Variants in PEBP4 observed in about 807,000 individuals in gnomAD.
PEBP4 encodes the protein phosphatidylethanolamine binding protein 4.
A neutral mutation model predicts 23.9 loss-of-function variants in PEBP4; 22 were observed. That is an observed-to-expected ratio of 0.92 (90% CI 0.66 to 1.31). The LOEUF (loss-of-function observed/expected upper bound fraction) is 1.31, where lower values mean the gene tolerates loss of function less well. PEBP4 is among the 40% of genes most tolerant of loss of function. The probability of loss-of-function intolerance (pLI) is 0.00; values close to 1 mark genes in which losing one functional copy is unlikely to be tolerated. For missense variants in PEBP4, 324 were observed against 281.7 expected, an observed-to-expected ratio of 1.15 and a Z score of -1.07; for synonymous variants, 112 against 99.3, an observed-to-expected ratio of 1.13 and a Z score of -0.76.
At chr8:22,780,231 T>C (rs904139263) in intron 4 of PEBP4, among the ~76,000 whole-genome samples, 2 of 152,186 alleles carry the variant, frequency 1.3e-5, no homozygotes, top group Non-Finnish European at 2.9e-5. Flanking sequence ...CCCAAAGTGC[T>C]GGAATGATAG....
At chr8:22,914,216 A>C (rs1277321135) in intron 3 of PEBP4, among the ~76,000 whole-genome samples, 3 of 152,018 alleles carry the variant, frequency 2.0e-5, no homozygotes, top group Non-Finnish European at 4.4e-5. Flanking sequence ...TCCTGACTTC[A>C]AGTGATCTGC....
chr8:22,878,651 T>C (rs1487236861), intron 3 of PEBP4, among the ~76,000 whole-genome samples: 1 of 152,200 alleles, frequency 6.6e-6, no homozygotes, highest in Non-Finnish European at 1.5e-5. Context: ...ACTCGGACTC[T>C]GCTACTGGCC....
At chr8:22,851,102 C>T (rs1186674413) in intron 3 of PEBP4, among the ~76,000 whole-genome samples, 2 of 152,302 alleles carry the variant, frequency 1.3e-5, no homozygotes, top group African/African-American at 2.4e-5. Context: ...GAAAGGCAGC[C>T]TCTTTGGGAC....
chr8:22,787,236 G>A (rs957231152), intron 4 of PEBP4, among the ~76,000 whole-genome samples: 3 of 152,204 alleles, frequency 2.0e-5, no homozygotes, highest in African/African-American at 7.2e-5. Flanking sequence ...GCACAGGTGA[G>A]GAGAGGGGTC....
chr8:22,876,162 C>T (rs1213788732), intron 3 of PEBP4, among the ~76,000 whole-genome samples: 1 of 152,188 alleles, frequency 6.6e-6, no homozygotes, highest in Non-Finnish European at 1.5e-5. Context: ...ACACCAGCCT[C>T]AGCCTCCCAA....
chr8:22,750,105 C>CAGTTTGTGA (rs1418230676), intron 4 of PEBP4, among the ~76,000 whole-genome samples: 9 of 151,448 alleles, frequency 5.9e-5, no homozygotes, highest in East Asian at 1.9e-4. Flanking sequence ...CGCACCCAGC[C>CAGTTTGTGA]TTTCTTTCTT....
At chr8:22,714,171 C>A (rs1371850696) in intron 6 of PEBP4, among the ~76,000 whole-genome samples, 1 of 152,234 alleles carries the variant, frequency 6.6e-6, no homozygotes, top group Non-Finnish European at 1.5e-5. Flanking sequence ...AGACGGTGCC[C>A]AGGTCGGAGG....
intron 3 of PEBP4, among the ~76,000 whole-genome samples, chr8:22,841,864 G>C (rs955110253): frequency 6.6e-6 from 1 of 152,266 alleles, no homozygotes; most frequent in African/African-American, 2.4e-5. Context: ...TTGGTGCACT[G>C]CCTTCGCAGA....
chr8:22,848,857 C>T lies in PEBP4; in HGVS notation c.259-31122G>A, dbSNP rs763804657. 1.1e-4 allele frequency among the ~76,000 whole-genome samples: 17 copies of T among 152,198 alleles called. No individual in the cohort carries two copies. In the East Asian group the frequency reaches 1.2e-3, roughly 10 times the overall value. On this transcript the variant is annotated intron_variant, in intron 3 of 6. Transcript: ENST00000256404. ...AATTGTTTCCCTTTGAAGAACTATC[C>T]GATAAAGACAAACGTACACTGTCTA...
intron 3 of PEBP4, among the ~76,000 whole-genome samples, chr8:22,906,566 C>T (rs1026305304): frequency 1.3e-5 from 2 of 152,352 alleles, no homozygotes; most frequent in Non-Finnish European, 2.9e-5. Flanking sequence ...CTGGCCACTG[C>T]CTTGCCTCGA....
At chr8:22,882,414 C>T (rs192407125) in intron 3 of PEBP4, among the ~76,000 whole-genome samples, 3 of 152,276 alleles carry the variant, frequency 2.0e-5, no homozygotes, top group Admixed American at 2.0e-4. Flanking sequence ...GAGGTGGGTG[C>T]TTTTCTTTCT....
chr8:22,932,708 A>G (rs1177869563), upstream of PEBP4, among the ~76,000 whole-genome samples: 1 of 151,638 alleles, frequency 6.6e-6, no homozygotes, highest in Non-Finnish European at 1.5e-5. Flanking sequence ...GCCTCCTTCA[A>G]AATAATAGGA....
chr8:22,905,612 C>T (rs1261271136), intron 3 of PEBP4, among the ~76,000 whole-genome samples: 1 of 152,306 alleles, frequency 6.6e-6, no homozygotes, highest in East Asian at 1.9e-4. Context: ...CTAAGCCACA[C>T]GGGCTTCAGG....
intron 4 of PEBP4, among the ~76,000 whole-genome samples, chr8:22,802,457 G>T (rs1806404490): frequency 6.6e-6 from 1 of 152,204 alleles, no homozygotes; most frequent in Admixed American, 6.5e-5. Flanking sequence ...CCTAAAATGA[G>T]AGCTGTTCGG....
At chr8:22,897,908 A>AG (rs1442046763) in intron 3 of PEBP4, 1 of 152,144 alleles carries the variant, frequency 6.6e-6, no homozygotes, top group East Asian at 1.9e-4. Context: ...GGCCTTTATG[A>AG]GGGGATCAGT....
chr8:22,795,808 C>T (rs1332163712), intron 4 of PEBP4, among the ~76,000 whole-genome samples: 2 of 152,006 alleles, frequency 1.3e-5, no homozygotes, highest in African/African-American at 2.4e-5. Flanking sequence ...AATATTTTAA[C>T]GATATTTTAT....
At chr8:22,748,405 T>A (rs1000034078) in intron 4 of PEBP4, among the ~76,000 whole-genome samples, 2 of 151,926 alleles carry the variant, frequency 1.3e-5, no homozygotes, top group African/African-American at 4.8e-5. Flanking sequence ...TCCGGGATGC[T>A]GGGTCACAGA....
At chr8:22,927,778 T>C (rs543218718) in intron 1 of PEBP4, 45 bp downstream of exon 1, 9 of 1,600,476 alleles carry the variant, frequency 5.6e-6, no homozygotes, top group Non-Finnish European at 7.7e-6. Context: ...TCCTGCCCAC[T>C]ACCTGTGCCC....
intron 3 of PEBP4, among the ~76,000 whole-genome samples, chr8:22,858,668 TG>T: frequency 6.6e-6 from 1 of 152,340 alleles, no homozygotes; most frequent in Middle Eastern, 3.4e-3. Flanking sequence ...TAACAGAGGC[TG>T]GGCCTGGTGG....
Sources: gnomAD v4.1 joint callset for allele counts (sites outside exome capture counted in the v4.1 genomes callset) on GRCh38, gnomAD v4.1.1 for gene constraint, MANE v1.5 for transcripts, NCBI Gene and HGNC (gene_info 2026-07-23, HGNC 2026-07-21) for gene names.